The following CUX2 variants were observed in gnomAD, a reference collection of about 807,000 sequenced individuals.
CUX2 encodes the protein cut like homeobox 2, also known as homeobox protein cut-like 2.
In CUX2, 40 loss-of-function variants were observed where a neutral mutation model predicts 144.8. The observed-to-expected ratio is 0.28, with a 90% CI of 0.21 to 0.36. CUX2 has a LOEUF of 0.36. CUX2 is among the 10% of genes least tolerant of loss of function. CUX2 has a pLI of 1.00. For synonymous variants in CUX2, 827 were observed against 875.6 expected, an observed-to-expected ratio of 0.94 and a Z score of 0.98; for missense variants, 1,615 against 1,994.0, an observed-to-expected ratio of 0.81 and a Z score of 3.62.
chr12:111,158,166 C>G lies in CUX2; in HGVS notation c.64-56034C>G, dbSNP rs111687648. On this transcript the variant is annotated intron_variant, in intron 1 of 21. Coordinates refer to ENST00000261726, the MANE Select transcript of CUX2 (RefSeq NM_015267.4). The stretch of plus-strand genomic sequence containing the variant: ...ATTATGTCAGGTGAAAACGGAGGAT[C>G]AGGGATAGTCCCCTTCCCCCTCTCT... 4.6e-3 allele frequency among the ~76,000 whole-genome samples: 703 copies of G among 152,232 alleles called. 10 individuals carry two copies. Among genetic ancestry groups the G allele is most frequent in the African/African-American group, 0.016 (676 of 41,524 alleles).
rs767565222 is a variant in CUX2, at chr12:111,307,898, G to A, written c.1110-387G>A. ...CTTGGGAGGCTGAGGCAGGAGAATC[G>A]CTTGAACCTGGGAGGCAGAGATCGT... On this transcript the variant is annotated intron_variant, in intron 12 of 21. Transcript: ENST00000261726. This position sits in a 1 kb window ranked among gnomAD's most constrained non-coding sequence, Gnocchi z 4.1. 6.6e-6 allele frequency among the ~76,000 whole-genome samples: 1 copy of A among 151,890 alleles called. No homozygotes were observed. The highest frequency in any genetic ancestry group is 1.5e-5 in the Non-Finnish European group (1 of 67,958).
chr12:111,203,689 G>A (rs1880750769), intron 1 of CUX2, among the ~76,000 whole-genome samples: 1 of 152,138 alleles, frequency 6.6e-6, no homozygotes, highest in Admixed American at 6.5e-5. Context: ...GCCATGGAAG[G>A]GTTTTGAGCA....
intron 3 of CUX2, among the ~76,000 whole-genome samples, chr12:111,219,109 C>T (rs946967504): frequency 5.9e-5 from 9 of 152,138 alleles, no homozygotes; most frequent in Non-Finnish European, 1.0e-4. Context: ...ATCCACCAAG[C>T]GCCACATTAC....
intron 4 of CUX2, among the ~76,000 whole-genome samples, chr12:111,288,909 G>A (rs1323068126): frequency 6.6e-6 from 1 of 152,114 alleles, no homozygotes; most frequent in Non-Finnish European, 1.5e-5. Context: ...GTTACAGTGA[G>A]CCGAGATCGT....
chr12:111,193,885 A>G (rs1358711436), intron 1 of CUX2, among the ~76,000 whole-genome samples: 1 of 152,210 alleles, frequency 6.6e-6, no homozygotes, highest in African/African-American at 2.4e-5. Context: ...GCCAGCTGGG[A>G]TGGAGACAGT....
intron 15 of CUX2, among the ~76,000 whole-genome samples, chr12:111,311,421 G>A (rs1004104993): frequency 1.3e-5 from 2 of 151,890 alleles, no homozygotes; most frequent in Admixed American, 1.3e-4. Flanking sequence ...CCTAGTAGCT[G>A]GGATTACAGT....
chr12:111,145,737 G>A (rs912954239), intron 1 of CUX2, among the ~76,000 whole-genome samples: 4 of 152,038 alleles, frequency 2.6e-5, no homozygotes, highest in Non-Finnish European at 5.9e-5. Flanking sequence ...CGTGATCTCG[G>A]CTCTCTGCAG....
chr12:111,329,103 C>T (rs1251897762), intron 18 of CUX2, among the ~76,000 whole-genome samples: 2 of 148,666 alleles, frequency 1.3e-5, no homozygotes, highest in East Asian at 4.0e-4. Context: ...CCCTGTCCCT[C>T]CAGTGCTCTC....
chr12:111,126,050 G>C (rs113653791), intron 1 of CUX2, among the ~76,000 whole-genome samples: 3,051 of 148,594 alleles, frequency 0.021, 111 homozygotes, highest in African/African-American at 0.075. Flanking sequence ...GGCGTGGGGG[G>C]GGCGGATTTA....
chr12:111,091,004 G>A (rs1872523611), intron 1 of CUX2, among the ~76,000 whole-genome samples: 1 of 152,160 alleles, frequency 6.6e-6, no homozygotes, highest in African/African-American at 2.4e-5. Flanking sequence ...CTGGGTTAAG[G>A]CCACGGGGGA....
At chr12:111,172,560 C>T (rs556475635) in intron 1 of CUX2, among the ~76,000 whole-genome samples, 4 of 152,306 alleles carry the variant, frequency 2.6e-5, no homozygotes, top group South Asian at 4.1e-4. Flanking sequence ...TGGGGGACTC[C>T]GGGAGGGTGG....
At chr12:111,323,794 C>T (rs774107787) in intron 18 of CUX2, among the ~76,000 whole-genome samples, 3 of 152,134 alleles carry the variant, frequency 2.0e-5, no homozygotes, top group Admixed American at 1.3e-4. Flanking sequence ...CAGTGGCTCA[C>T]GCCTGTAATC....
At chr12:111,205,994 G>A (rs921848946) in intron 1 of CUX2, among the ~76,000 whole-genome samples, 1 of 152,218 alleles carries the variant, frequency 6.6e-6, no homozygotes, top group Admixed American at 6.5e-5. Context: ...AATACACAGT[G>A]TATTTGGTAG....
At chr12:111,248,283 C>T (rs1217935787) in intron 3 of CUX2, among the ~76,000 whole-genome samples, 2 of 152,196 alleles carry the variant, frequency 1.3e-5, no homozygotes, top group Non-Finnish European at 2.9e-5. Flanking sequence ...GACACTGAGG[C>T]ACAGAGTGTT....
chr12:111,202,789 G>C (rs759314064), intron 1 of CUX2, among the ~76,000 whole-genome samples: 1 of 152,182 alleles, frequency 6.6e-6, no homozygotes, highest in Non-Finnish European at 1.5e-5. Context: ...GGGCGGCTGA[G>C]GTAGAGAGGA....
intron 1 of CUX2, among the ~76,000 whole-genome samples, chr12:111,209,841 G>T (rs1243256459): frequency 6.6e-6 from 1 of 152,208 alleles, no homozygotes; most frequent in Non-Finnish European, 1.5e-5. Flanking sequence ...CCGAGCCTCA[G>T]CTGCATCTAT....
intron 1 of CUX2, among the ~76,000 whole-genome samples, chr12:111,102,261 G>T (rs1392673541): frequency 6.6e-6 from 1 of 152,234 alleles, no homozygotes. Context: ...CAGGGACTCA[G>T]GTTAAATCAC....
chr12:111,171,200 C>T lies in CUX2; in HGVS notation c.64-43000C>T, dbSNP rs192507766. On this transcript the variant is annotated intron_variant, in intron 1 of 21. Coordinates refer to ENST00000261726, the MANE Select transcript of CUX2 (RefSeq NM_015267.4). This position sits in a 1 kb window ranked among gnomAD's most constrained non-coding sequence, Gnocchi z 5.0. ...GTTGGGCAACCCCCAGTCTGATGGA[C>T]GGGGTGCAGAGTATGGAAGGAAAGC... Among the ~76,000 whole-genome samples, 4 of 152,162 alleles carry T rather than the reference C, an allele frequency of 2.6e-5. No individual in the cohort carries two copies. Among genetic ancestry groups the T allele is most frequent in the South Asian group, 2.1e-4 (1 of 4,808 alleles).
At position 111,347,530 on chromosome 12, in the gene CUX2, G is replaced by A; in HGVS notation, c.3666G>A (p.Arg1222=). The A allele has an allele frequency of 6.3e-7, 1 of 1,592,564 alleles. No individual in the cohort carries two copies. The highest frequency in any genetic ancestry group is 8.5e-7 in the Non-Finnish European group (1 of 1,170,120). The change falls in exon 22 of 22, where the codon CGG becomes CGA. Residue 1222 remains arginine (R), a synonymous_variant. Transcript: ENST00000261726. ...ACCGCCGTCTCTGCCCCAGGTCCCG[G>A]ATGCGCCGGGAGATGTTGGTGGAGG... ...VINWFHNYRS[R]MRREMLVEGT... is the part of the protein sequence containing the mutation.
Sources: gnomAD v4.1 joint callset for allele counts (sites outside exome capture counted in the v4.1 genomes callset) on GRCh38, gnomAD v4.1.1 for gene constraint, Gnocchi (gnomAD v3.1) non-coding constraint, MANE v1.5 for transcripts, NCBI Gene and HGNC (gene_info 2026-07-23, HGNC 2026-07-21) for gene names.